Variants in ELL observed in about 807,000 individuals in gnomAD.
ELL encodes the protein RNA polymerase II elongation factor ELL.
A neutral mutation model predicts 64.0 loss-of-function variants in ELL; 18 were observed. The ratio of observed to expected loss-of-function variants is 0.28; its 90% confidence interval spans 0.19 to 0.42. The LOEUF (loss-of-function observed/expected upper bound fraction) is 0.42. Among genes scored for constraint, ELL ranks in the 10% least tolerant of loss-of-function variants. The probability of loss-of-function intolerance (pLI) is 1.00; values close to 1 mark genes in which losing one functional copy is unlikely to be tolerated. For missense variants in ELL, 797 were observed against 870.4 expected, an observed-to-expected ratio of 0.92 and a Z score of 1.06; for synonymous variants, 399 against 376.2, an observed-to-expected ratio of 1.06 and a Z score of -0.70.
In ELL at chr19:18,521,905, G is replaced by T; in HGVS notation, c.135+16C>A. The T allele has an allele frequency of 6.4e-7, 1 of 1,570,640 alleles. No homozygotes were observed. ...CGGACGTTCCCCACTGGCGCGCCGG[G>T]CGCCATGCCACTCACCTGTCTGGCG... On this transcript the variant is annotated intron_variant, in intron 1 of 11. Coordinates refer to ENST00000262809, the MANE Select transcript of ELL (RefSeq NM_006532.4).
intron 1 of ELL, among the ~76,000 whole-genome samples, chr19:18,490,654 C>T (rs551704139): frequency 6.6e-6 from 1 of 152,198 alleles, no homozygotes; most frequent in African/African-American, 2.4e-5. Flanking sequence ...GGTATCTTCC[C>T]GGCCAAGAGC....
chr19:18,486,388 G>C (rs928059166), intron 1 of ELL, among the ~76,000 whole-genome samples: 1 of 152,192 alleles, frequency 6.6e-6, no homozygotes, highest in Admixed American at 6.5e-5. Context: ...CCCAGAGTGG[G>C]GGTGCGGTCC....
chr19:18,453,588 A>G (rs1288743230), intron 6 of ELL, among the ~76,000 whole-genome samples: 3 of 152,024 alleles, frequency 2.0e-5, no homozygotes, highest in Non-Finnish European at 4.4e-5. Flanking sequence ...AACAGAAAAT[A>G]GGTTGGGCGC....
rs1439142693 is a variant in ELL, at chr19:18,452,679, G to A, written c.870-1031C>T. 9.2e-5 allele frequency among the ~76,000 whole-genome samples: 14 copies of A among 152,194 alleles called. No homozygotes were observed. The South Asian group carries it at 2.7e-3, about 29-fold the overall frequency. On this transcript the variant is annotated intron_variant, in intron 6 of 11. Transcript: ENST00000262809. ...CTCCAGATCCTCATCACTGCTGGTG[G>A]GGCTGCAGGACAGTGAGCCCAGGGC...
At chr19:18,502,486 C>T (rs1975800392) in intron 1 of ELL, among the ~76,000 whole-genome samples, 1 of 152,194 alleles carries the variant, frequency 6.6e-6, no homozygotes, top group Non-Finnish European at 1.5e-5. Flanking sequence ...CCAGCGGGCA[C>T]CCCCACCACC....
intron 2 of ELL, chr19:18,471,370 T>TC: frequency 2.2e-6 from 1 of 450,496 alleles, no homozygotes; most frequent in Non-Finnish European, 4.5e-6. Flanking sequence ...GAGACTCATC[T>TC]CTTAAAAAAC....
intron 8 of ELL, 84 bp from the exon 9 acceptor site, chr19:18,446,898 A>C: frequency 7.1e-7 from 1 of 1,414,054 alleles, no homozygotes; most frequent in Non-Finnish European, 9.9e-7. Context: ...ACATGCATGA[A>C]AACTGTACAC....
At chr19:18,503,209 G>A (rs948185890) in intron 1 of ELL, among the ~76,000 whole-genome samples, 3 of 152,252 alleles carry the variant, frequency 2.0e-5, no homozygotes, top group African/African-American at 4.8e-5. Context: ...CAGTGGCACC[G>A]CCCGCCCAGC....
At chr19:18,509,582 T>TGCGCGCGCACGC (rs1975958605) in intron 1 of ELL, among the ~76,000 whole-genome samples, 1 of 95,538 alleles carries the variant, frequency 1.0e-5, no homozygotes, top group Non-Finnish European at 2.1e-5. Flanking sequence ...CCAATGCACG[T>TGCGCGCGCACGC]GCGCGCGCGC....
At chr19:18,472,505 G>A (rs931032899) in intron 2 of ELL, 13 of 330,804 alleles carry the variant, frequency 3.9e-5, no homozygotes, top group Non-Finnish European at 6.6e-5. Context: ...CTCACCTCCT[G>A]CTGTGTGGGC....
chr19:18,506,279 G>A (rs2144970248), intron 1 of ELL, among the ~76,000 whole-genome samples: 2 of 152,368 alleles, frequency 1.3e-5, no homozygotes, highest in Middle Eastern at 6.8e-3. Context: ...CCAGCGACCT[G>A]CCTGGGCCAC....
At chr19:18,469,636 T>G (rs894918611) in intron 2 of ELL, among the ~76,000 whole-genome samples, 2 of 151,316 alleles carry the variant, frequency 1.3e-5, no homozygotes, top group Non-Finnish European at 2.9e-5. Context: ...TGGGGAGGAG[T>G]TGCCATAAAC....
chr19:18,458,768 G>T (rs1974738454), intron 5 of ELL, among the ~76,000 whole-genome samples: 1 of 151,786 alleles, frequency 6.6e-6, no homozygotes, highest in Non-Finnish European at 1.5e-5. Flanking sequence ...AGGTAGGTGG[G>T]GCCACAGGTG....
intron 1 of ELL, among the ~76,000 whole-genome samples, chr19:18,483,226 T>C (rs1975342372): frequency 1.3e-5 from 2 of 152,172 alleles, no homozygotes; most frequent in Non-Finnish European, 2.9e-5. Context: ...GTCTCTCAGA[T>C]TCCTTTGTCT....
chr19:18,446,246 G>A (rs987791249), intron 10 of ELL, 63 bp downstream of exon 10: 30 of 1,357,738 alleles, frequency 2.2e-5, no homozygotes, highest in African/African-American at 3.2e-5. Flanking sequence ...GCGATGGTGC[G>A]CGCCCAAGTG....
At chr19:18,513,044 C>T (rs1166958884) in intron 1 of ELL, among the ~76,000 whole-genome samples, 2 of 152,210 alleles carry the variant, frequency 1.3e-5, no homozygotes, top group Non-Finnish European at 2.9e-5. Flanking sequence ...TACTTGCGGT[C>T]TCCCCATCTG....
chr19:18,479,977 T>C (rs1219597316), intron 1 of ELL, among the ~76,000 whole-genome samples: 1 of 152,190 alleles, frequency 6.6e-6, no homozygotes, highest in Non-Finnish European at 1.5e-5. Flanking sequence ...AGGCAGCACG[T>C]TCTCCCTGCT....
In ELL at chr19:18,449,461, C is replaced by T. The variant is rs1168981766; in HGVS notation, c.1465+1016G>A. 6.6e-6 allele frequency among the ~76,000 whole-genome samples: 1 copy of T among 152,186 alleles called. No homozygotes were observed. Among genetic ancestry groups the T allele is most frequent in the African/African-American group, 2.4e-5 (1 of 41,442 alleles). ...CCAGCACGAGGCAGGGCTGACCCAA[C>T]CCCGAAAGTCTTCCTTCCTATCCAG... On this transcript the variant is annotated intron_variant, in intron 8 of 11. Coordinates refer to ENST00000262809, the MANE Select transcript of ELL (RefSeq NM_006532.4). This position sits in a 1 kb window ranked among gnomAD's most constrained non-coding sequence, Gnocchi z 4.4.
chr19:18,500,734 G>A (rs1975764951), intron 1 of ELL, among the ~76,000 whole-genome samples: 1 of 152,160 alleles, frequency 6.6e-6, no homozygotes, highest in Non-Finnish European at 1.5e-5. Flanking sequence ...ATACCATTGT[G>A]CAAAATAGCT....
Sources: gnomAD v4.1 joint callset for allele counts (sites outside exome capture counted in the v4.1 genomes callset) on GRCh38, gnomAD v4.1.1 for gene constraint, Gnocchi (gnomAD v3.1) non-coding constraint, MANE v1.5 for transcripts, NCBI Gene and HGNC (gene_info 2026-07-23, HGNC 2026-07-21) for gene names.